Variants in MED13L observed in about 807,000 individuals in gnomAD.
The protein encoded by MED13L is mediator of RNA polymerase II transcription subunit 13-like.
Under a neutral mutation model 220.9 loss-of-function variants are expected in MED13L, and 7 were observed. The observed-to-expected ratio is 0.03, with a 90% CI of 0.02 to 0.06. The LOEUF (loss-of-function observed/expected upper bound fraction) is 0.06. Ranked by LOEUF, MED13L falls within the 10% of genes least tolerant of loss-of-function variation. The pLI, the probability that MED13L is intolerant of heterozygous loss-of-function variation, is 1.00. For missense variants in MED13L, 1,965 were observed against 2,760.5 expected (o/e 0.71, Z 6.46); for synonymous variants, 1,011 against 1,015.2 (o/e 1.00, Z 0.08).
At chr12:116,071,382 AAAT>A (rs1396005852) in intron 4 of MED13L, among the ~76,000 whole-genome samples, 8 of 152,236 alleles carry the variant, frequency 5.3e-5, no homozygotes, top group Admixed American at 5.2e-4. Flanking sequence ...AATTGTTTTA[AAAT>A]AATAAATAAT....
chr12:116,196,255 T>C (rs2138286975), intron 2 of MED13L, among the ~76,000 whole-genome samples: 1 of 152,260 alleles, frequency 6.6e-6, no homozygotes, highest in African/African-American at 2.4e-5. Context: ...TTTTTTACTG[T>C]TGACCTCACT....
intron 1 of MED13L, 58 bp downstream of exon 1, chr12:116,277,001 AG>A: frequency 6.7e-7 from 1 of 1,496,752 alleles, no homozygotes; most frequent in East Asian, 2.5e-5. Context: ...TCGGCGGCGG[AG>A]GTCGGGGACC....
At chr12:116,164,076 T>G (rs1879073337) in intron 2 of MED13L, among the ~76,000 whole-genome samples, 1 of 152,204 alleles carries the variant, frequency 6.6e-6, no homozygotes. Context: ...TTTCACATAC[T>G]TAAAAAGAAA....
At chr12:115,970,805 GAAC>G in intron 26 of MED13L, 35 bp from the exon 27 acceptor site, 1 of 1,594,140 alleles carries the variant, frequency 6.3e-7, no homozygotes, top group Non-Finnish European at 8.6e-7. Context: ...ATCAATCAAT[GAAC>G]AACCCCAGAA....
intron 2 of MED13L, among the ~76,000 whole-genome samples, chr12:116,227,685 C>A (rs778327873): frequency 6.6e-6 from 1 of 152,070 alleles, no homozygotes; most frequent in Non-Finnish European, 1.5e-5. Flanking sequence ...AGGACTGGCT[C>A]CTCCCCATCT....
At chr12:116,014,337 A>T (rs375645763) in intron 8 of MED13L, among the ~76,000 whole-genome samples, 2 of 152,230 alleles carry the variant, frequency 1.3e-5, no homozygotes, top group African/African-American at 2.4e-5. Flanking sequence ...CAGAGAATCA[A>T]GACTCATTTG....
chr12:115,969,575 C>A (rs1411449412), intron 27 of MED13L, among the ~76,000 whole-genome samples: 1 of 149,712 alleles, frequency 6.7e-6, no homozygotes, highest in African/African-American at 2.4e-5. Context: ...ACAATGTTTT[C>A]TCTCTTTTTT....
At chr12:116,150,941 G>A (rs1187363663) in intron 2 of MED13L, among the ~76,000 whole-genome samples, 3 of 152,076 alleles carry the variant, frequency 2.0e-5, no homozygotes, top group East Asian at 1.9e-4. Context: ...GCTATGGTAC[G>A]TAAAGCACCT....
intron 2 of MED13L, among the ~76,000 whole-genome samples, chr12:116,152,699 T>C (rs1330265751): frequency 2.0e-5 from 3 of 152,124 alleles, no homozygotes; most frequent in Admixed American, 6.6e-5. Flanking sequence ...AATAATTAAA[T>C]GAAATGTGAG....
At chr12:116,227,622 TA>T (rs1869133753) in intron 2 of MED13L, among the ~76,000 whole-genome samples, 1 of 152,192 alleles carries the variant, frequency 6.6e-6, no homozygotes. Flanking sequence ...CACACCCATA[TA>T]AAACAGCAGA....
chr12:116,001,329 T>C (rs1263937423), intron 14 of MED13L, among the ~76,000 whole-genome samples: 2 of 152,190 alleles, frequency 1.3e-5, no homozygotes, highest in African/African-American at 2.4e-5. Context: ...CCCGAGTAGC[T>C]GGGATTAGAG....
intron 1 of MED13L, 33 bp downstream of exon 1, chr12:116,277,025 CGG>C: frequency 5.2e-5 from 74 of 1,433,876 alleles, no homozygotes; most frequent in Non-Finnish European, 6.5e-5. Flanking sequence ...CCCCCTTCCC[CGG>C]CACAGCCCCC....
intron 1 of MED13L, among the ~76,000 whole-genome samples, chr12:116,275,352 G>T (rs1873726682): frequency 6.6e-6 from 1 of 152,000 alleles, no homozygotes; most frequent in East Asian, 1.9e-4. Context: ...CTAAGAGAAA[G>T]AATTCCAACT....
intron 1 of MED13L, among the ~76,000 whole-genome samples, chr12:116,266,517 G>A (rs959352496): frequency 6.6e-6 from 1 of 152,138 alleles, no homozygotes; most frequent in Non-Finnish European, 1.5e-5. Context: ...TATAGCTCCC[G>A]CTCTGACTGC....
intron 4 of MED13L, among the ~76,000 whole-genome samples, chr12:116,092,420 T>C (rs1474134936): frequency 1.3e-5 from 2 of 152,200 alleles, no homozygotes; most frequent in African/African-American, 2.4e-5. Flanking sequence ...CAGGGCAGGT[T>C]TGCCCATGAG....
At chr12:116,233,090 G>GAAAAAAAAAAAAA (rs530903194) in intron 2 of MED13L, among the ~76,000 whole-genome samples, 1 of 82,952 alleles carries the variant, frequency 1.2e-5, no homozygotes, top group Non-Finnish European at 2.5e-5. Flanking sequence ...CTGTCTAAAG[G>GAAAAAAAAAAAAA]AAAAAAAAAA....
At chr12:115,964,306 T>A (rs965295761) in intron 29 of MED13L, among the ~76,000 whole-genome samples, 1 of 152,196 alleles carries the variant, frequency 6.6e-6, no homozygotes, top group Non-Finnish European at 1.5e-5. Flanking sequence ...AAAATGTCTT[T>A]TTATAATTGG....
chr12:116,271,478 C>A (rs527269177), intron 1 of MED13L, among the ~76,000 whole-genome samples: 1 of 151,990 alleles, frequency 6.6e-6, no homozygotes, highest in Non-Finnish European at 1.5e-5. Flanking sequence ...CCTGTAGTCC[C>A]AGCTACTCGG....
At chr12:116,074,065 C>T (rs980956754) in intron 4 of MED13L, among the ~76,000 whole-genome samples, 1 of 152,178 alleles carries the variant, frequency 6.6e-6, no homozygotes, top group African/African-American at 2.4e-5. Flanking sequence ...TCTCCCCAAT[C>T]CCATACCTTA....
Sources: allele counts gnomAD v4.1 joint callset (sites outside exome capture counted in the v4.1 genomes callset), GRCh38; gene constraint gnomAD v4.1.1; transcripts MANE v1.5; gene names NCBI Gene and HGNC (gene_info 2026-07-23, HGNC 2026-07-21).